Variants in RBFOX1 observed in about 807,000 individuals in gnomAD.
RBFOX1 encodes the protein RNA binding fox-1 homolog 1.
Under a neutral mutation model 57.7 loss-of-function variants are expected in RBFOX1, and 8 were observed. That is an observed-to-expected ratio of 0.14 (90% CI 0.08 to 0.25). The LOEUF is 0.25. Among genes scored for constraint, RBFOX1 ranks in the 10% least tolerant of loss-of-function variants. The pLI is 1.00. For missense variants in RBFOX1, 611 were observed against 548.5 expected, an observed-to-expected ratio of 1.11 and a Z score of -1.14; for synonymous variants, 326 against 222.4, an observed-to-expected ratio of 1.47 and a Z score of -4.15.
chr16:6,521,030 C>G (rs1347314334), intron 2 of RBFOX1, among the ~76,000 whole-genome samples: 1 of 151,892 alleles, frequency 6.6e-6, no homozygotes, highest in African/African-American at 2.4e-5. Flanking sequence ...ATATCAAAAC[C>G]TTTTTACAAT....
intron 15 of RBFOX1, 70 bp from the exon 16 acceptor site, chr16:7,710,553 T>A: frequency 6.3e-7 from 1 of 1,594,568 alleles, no homozygotes; most frequent in African/African-American, 1.4e-5. Context: ...TTCACATTAG[T>A]CTTTTTGATG....
chr16:5,685,663 T>C, intron 3 of RBFOX1, among the ~76,000 whole-genome samples: 1 of 152,216 alleles, frequency 6.6e-6, no homozygotes, highest in Non-Finnish European at 1.5e-5. Context: ...AGCTGTTGGC[T>C]CAAGCTGAGG....
intron 3 of RBFOX1, among the ~76,000 whole-genome samples, chr16:5,630,007 T>C (rs1198657370): frequency 6.6e-6 from 1 of 152,188 alleles, no homozygotes; most frequent in African/African-American, 2.4e-5. Flanking sequence ...GATCTCTCTA[T>C]GTCCTGGGAG....
intron 2 of RBFOX1, among the ~76,000 whole-genome samples, chr16:6,565,473 G>A (rs1000698925): frequency 6.6e-6 from 1 of 150,866 alleles, no homozygotes; most frequent in Non-Finnish European, 1.5e-5. Context: ...TAGCCAGGAT[G>A]GTCTCGATCT....
At chr16:5,825,678 C>T (rs1177571140) in intron 3 of RBFOX1, among the ~76,000 whole-genome samples, 1 of 152,178 alleles carries the variant, frequency 6.6e-6, no homozygotes, top group Non-Finnish European at 1.5e-5. Flanking sequence ...AGAAACTTTT[C>T]ATCACCCCAA....
chr16:5,765,717 C>G (rs1278590128), intron 3 of RBFOX1, among the ~76,000 whole-genome samples: 1 of 152,198 alleles, frequency 6.6e-6, no homozygotes, highest in African/African-American at 2.4e-5. Context: ...CTTGTGTTTT[C>G]AAAATCAGCC....
At chr16:5,380,156 T>C (rs2066095101) in intron 1 of RBFOX1, among the ~76,000 whole-genome samples, 1 of 152,230 alleles carries the variant, frequency 6.6e-6, no homozygotes, top group Non-Finnish European at 1.5e-5. Context: ...TGGCAGAGGC[T>C]CTGATGACAG....
chr16:7,225,701 G>A (rs979579827), intron 4 of RBFOX1, among the ~76,000 whole-genome samples: 1 of 135,574 alleles, frequency 7.4e-6, no homozygotes, highest in African/African-American at 2.8e-5. Flanking sequence ...TAGAATTGGC[G>A]TTTGTCAAAA....
chr16:5,697,105 G>C (rs1275622081), intron 3 of RBFOX1, among the ~76,000 whole-genome samples: 1 of 152,006 alleles, frequency 6.6e-6, no homozygotes, highest in Non-Finnish European at 1.5e-5. Context: ...TGAAGGGGTA[G>C]TTTTTTCTCA....
chr16:6,296,108 C>T (rs563714625), intron 1 of RBFOX1, among the ~76,000 whole-genome samples: 11 of 152,192 alleles, frequency 7.2e-5, no homozygotes, highest in African/African-American at 1.2e-4. Flanking sequence ...AGACATTTAT[C>T]GAGCATTTTG....
chr16:7,140,145 T>G (rs971749583), intron 4 of RBFOX1, among the ~76,000 whole-genome samples: 1 of 139,400 alleles, frequency 7.2e-6, no homozygotes, highest in African/African-American at 3.0e-5. Context: ...TCTCTTATTC[T>G]CTCCTTCTCT....
At chr16:6,689,941 G>C (rs538031702) in intron 3 of RBFOX1, among the ~76,000 whole-genome samples, 5 of 152,332 alleles carry the variant, frequency 3.3e-5, no homozygotes, top group South Asian at 2.1e-4. Flanking sequence ...ACGAAGAGGT[G>C]TAAGAGTTGA....
At chr16:7,481,649 T>C (rs940832009) in intron 4 of RBFOX1, among the ~76,000 whole-genome samples, 3 of 152,200 alleles carry the variant, frequency 2.0e-5, no homozygotes, top group Non-Finnish European at 2.9e-5. Context: ...ATATTTGGTA[T>C]TCCTTGTACC....
At chr16:7,640,868 C>T (rs910308620) in intron 11 of RBFOX1, among the ~76,000 whole-genome samples, 1 of 148,648 alleles carries the variant, frequency 6.7e-6, no homozygotes, top group Non-Finnish European at 1.5e-5. Flanking sequence ...CTTATCTGCC[C>T]TTTATTTGCT....
At chr16:7,582,018 C>T (rs1233716296) in intron 6 of RBFOX1, among the ~76,000 whole-genome samples, 1 of 106,840 alleles carries the variant, frequency 9.4e-6, no homozygotes, top group East Asian at 2.7e-4. Flanking sequence ...CTATTGCACC[C>T]ATCCAGCACC....
intron 4 of RBFOX1, chr16:7,333,017 G>T: frequency 6.2e-7 from 1 of 1,613,754 alleles, no homozygotes; most frequent in Non-Finnish European, 8.5e-7. Flanking sequence ...GGCGTCTCAA[G>T]GAGTTCTCCT....
chr16:5,732,650 A>G (rs2052422302), intron 3 of RBFOX1, among the ~76,000 whole-genome samples: 1 of 152,174 alleles, frequency 6.6e-6, no homozygotes, highest in African/African-American at 2.4e-5. Flanking sequence ...GGCAAGAAGT[A>G]ACTACCTTCT....
intron 1 of RBFOX1, among the ~76,000 whole-genome samples, chr16:6,265,752 C>G (rs1396004637): frequency 6.6e-6 from 1 of 152,156 alleles, no homozygotes; most frequent in East Asian, 1.9e-4. Flanking sequence ...CTTCCTTGTA[C>G]TTTTAGCTTC....
At chr16:6,789,835 A>C (rs113340856) in intron 3 of RBFOX1, among the ~76,000 whole-genome samples, 21,274 of 151,568 alleles carry the variant, frequency 0.14, 1,721 homozygotes, top group Admixed American at 0.24. Flanking sequence ...GCTTTCTCCC[A>C]CCTTTTTCTT....
Sources: allele counts gnomAD v4.1 joint callset (sites outside exome capture counted in the v4.1 genomes callset), GRCh38; gene constraint gnomAD v4.1.1; transcripts MANE v1.5; gene names NCBI Gene and HGNC (gene_info 2026-07-23, HGNC 2026-07-21).